The following MALRD1 variants were observed in gnomAD, a reference collection of about 807,000 sequenced individuals.
MALRD1 encodes the protein MAM and LDL-receptor class A domain-containing protein 1.
Under a neutral mutation model 242.1 loss-of-function variants are expected in MALRD1, and 247 were observed. The ratio of observed to expected loss-of-function variants is 1.02; its 90% CI spans 0.92 to 1.13. The LOEUF (loss-of-function observed/expected upper bound fraction) is 1.13, where lower values mean the gene tolerates loss of function less well. Ranked by LOEUF, MALRD1 falls within the 50% of genes most tolerant of loss-of-function variation. The probability of loss-of-function intolerance (pLI) is 0.00; values close to 1 mark genes in which losing one functional copy is unlikely to be tolerated. For missense variants in MALRD1, 2,989 were observed against 2,533.1 expected (o/e 1.18, Z -3.86); for synonymous variants, 995 against 866.6 (o/e 1.15, Z -2.60).
At chr10:19,530,400 A>ATATAATAT (rs1564417264) in intron 31 of MALRD1, among the ~76,000 whole-genome samples, 1 of 84,214 alleles carries the variant, frequency 1.2e-5, no homozygotes, top group Non-Finnish European at 2.1e-5. Flanking sequence ...TTATATAAAT[A>ATATAATAT]TTATATATTT....
At chr10:19,172,662 G>T (rs1835063154) in intron 13 of MALRD1, among the ~76,000 whole-genome samples, 1 of 151,410 alleles carries the variant, frequency 6.6e-6, no homozygotes, top group Non-Finnish European at 1.5e-5. Context: ...GCCTCAAACT[G>T]TCGTTTTTTT....
chr10:19,425,413 G>A (rs556721417), intron 28 of MALRD1, among the ~76,000 whole-genome samples: 2 of 152,308 alleles, frequency 1.3e-5, no homozygotes, highest in South Asian at 4.1e-4. Flanking sequence ...TGTTCTGGTA[G>A]AAGGGTGTAA....
intron 32 of MALRD1, among the ~76,000 whole-genome samples, chr10:19,542,000 C>G (rs747071645): frequency 9.9e-5 from 15 of 152,200 alleles, no homozygotes; most frequent in Non-Finnish European, 1.5e-4. Flanking sequence ...AAGAGCTAAT[C>G]TAATATGACC....
chr10:19,606,415 T>A (rs1266047227), intron 34 of MALRD1, among the ~76,000 whole-genome samples: 1 of 152,168 alleles, frequency 6.6e-6, no homozygotes, highest in Admixed American at 6.5e-5. Context: ...AAGCTGTTCT[T>A]GTTGAACCTG....
intron 34 of MALRD1, among the ~76,000 whole-genome samples, chr10:19,596,172 C>A (rs1027084592): frequency 2.6e-5 from 4 of 152,230 alleles, no homozygotes; most frequent in African/African-American, 9.6e-5. Context: ...TAGCCAGTGT[C>A]AGGTAGGGAA....
At chr10:19,187,970 G>A (rs540470248) in intron 14 of MALRD1, among the ~76,000 whole-genome samples, 5 of 152,240 alleles carry the variant, frequency 3.3e-5, no homozygotes, top group African/African-American at 1.2e-4. Flanking sequence ...GAAATAAAAA[G>A]TCTTGAGGCA....
rs1037781723 is a variant in MALRD1 at position 19,315,595 on chromosome 10, T to A, written c.3420-8354T>A. On this transcript the variant is annotated intron_variant, in intron 21 of 39. Transcript: ENST00000454679. ...TATATAAATTATAAATTATAAATAT[T>A]TATATAAATTATAAATATTTATATA... 9.3e-4 allele frequency among the ~76,000 whole-genome samples: 65 copies of A among 70,212 alleles called. 3 individuals carry two copies. In the East Asian group the frequency reaches 0.017, roughly 18 times the overall value. 46.1% of individuals were successfully genotyped at this position (70,212 alleles called of 152,430 possible). A position where few individuals can be genotyped will look rare whatever the true frequency, so the allele number is the denominator to read the frequency against.
intron 14 of MALRD1, among the ~76,000 whole-genome samples, chr10:19,191,803 G>A (rs56118549): frequency 0.17 from 25,329 of 152,026 alleles, 2,286 homozygotes; most frequent in Non-Finnish European, 0.2. Flanking sequence ...TTTGAGACCA[G>A]CATGGCCAAC....
At chr10:19,099,761 A>G (rs576917455) in intron 4 of MALRD1, among the ~76,000 whole-genome samples, 1 of 104,904 alleles carries the variant, frequency 9.5e-6, no homozygotes, top group Non-Finnish European at 2.1e-5. Context: ...ATATATATAT[A>G]TATTTTTTTT....
intron 19 of MALRD1, among the ~76,000 whole-genome samples, chr10:19,270,376 A>ACC (rs2131846164): frequency 7.1e-6 from 1 of 140,060 alleles, no homozygotes; most frequent in East Asian, 2.2e-4. Context: ...ACACACACAC[A>ACC]CCAGACTGCT....
At chr10:19,446,775 T>C (rs975943086) in intron 28 of MALRD1, among the ~76,000 whole-genome samples, 1 of 152,186 alleles carries the variant, frequency 6.6e-6, no homozygotes, top group Non-Finnish European at 1.5e-5. Context: ...TGTATTAGTG[T>C]CTATTTTTTA....
chr10:19,577,006 T>C (rs936890628), intron 33 of MALRD1, among the ~76,000 whole-genome samples: 17 of 149,430 alleles, frequency 1.1e-4, no homozygotes, highest in Non-Finnish European at 5.9e-5. Flanking sequence ...GAGTGATCTT[T>C]AACTTCAAAG....
intron 9 of MALRD1, 35 bp from the exon 10 acceptor site, chr10:19,136,539 T>C: frequency 8.6e-7 from 1 of 1,168,572 alleles, no homozygotes; most frequent in African/African-American, 1.6e-5. Flanking sequence ...TTAAGGAGAT[T>C]GCAAACTCAT....
Position 19,146,323 on chromosome 10 carries a change from C to G in MALRD1, c.1537C>G (p.His513Asp). 8.1e-7 allele frequency: 1 copy of G among 1,231,504 alleles called. No individual in the cohort carries two copies. The highest frequency in any genetic ancestry group is 1.0e-6 in the Non-Finnish European group (1 of 987,812). The allele number at this position is 1,231,504 out of a possible 1,614,324, so 76.3% of individuals were successfully genotyped here. A position where few individuals can be genotyped will look rare whatever the true frequency, so the allele number is the denominator to read the frequency against. The part of the protein sequence containing the change: ...NGEHHFPAAD[H>D]TANINHGSFI... The stretch of plus-strand genomic sequence containing the variant: ...AGAGCACCACTTTCCTGCAGCTGAT[C>G]ACACAGCAAACATAAATCATGGTAG... Residue 513 changes from histidine (H) to aspartate (D), a missense_variant, in exon 11 of 40, where the codon CAC (histidine) becomes GAC (aspartate). Transcript: ENST00000454679.
At chr10:19,708,404 C>T (rs1379645133) in intron 38 of MALRD1, among the ~76,000 whole-genome samples, 2 of 106,876 alleles carry the variant, frequency 1.9e-5, no homozygotes, top group African/African-American at 3.0e-5. Flanking sequence ...AGGGCACAAT[C>T]ATGGTTCACT....
At chr10:19,287,351 G>T (rs922127572) in intron 21 of MALRD1, among the ~76,000 whole-genome samples, 1 of 151,828 alleles carries the variant, frequency 6.6e-6, no homozygotes, top group South Asian at 2.1e-4. Flanking sequence ...CTATTAAGAG[G>T]AATAAAACCT....
intron 5 of MALRD1, among the ~76,000 whole-genome samples, chr10:19,110,514 C>T (rs1402164540): frequency 6.6e-6 from 1 of 152,132 alleles, no homozygotes; most frequent in East Asian, 1.9e-4. Flanking sequence ...ATTAAAGTGT[C>T]GTCCTCAATG....
chr10:19,561,365 C>T (rs2131439781), intron 32 of MALRD1, among the ~76,000 whole-genome samples: 1 of 152,276 alleles, frequency 6.6e-6, no homozygotes, highest in African/African-American at 2.4e-5. Flanking sequence ...TTAAGTTCAA[C>T]TACTGCCTGA....
chr10:19,243,205 T>TCCC (rs140867550), intron 18 of MALRD1, among the ~76,000 whole-genome samples: 6 of 151,012 alleles, frequency 4.0e-5, no homozygotes, highest in Admixed American at 6.6e-5. Context: ...TCTTGACTTC[T>TCCC]CCCCCGCCAC....
Sources: gnomAD v4.1 joint callset for allele counts (sites outside exome capture counted in the v4.1 genomes callset) on GRCh38, gnomAD v4.1.1 for gene constraint, MANE v1.5 for transcripts, NCBI Gene and HGNC (gene_info 2026-07-23, HGNC 2026-07-21) for gene names.